The following FAP variants were observed in gnomAD, a reference collection of about 807,000 sequenced individuals.
The protein encoded by FAP is prolyl endopeptidase FAP.
A neutral mutation model predicts 126.5 loss-of-function variants in FAP; 110 were observed. The ratio of observed to expected loss-of-function variants is 0.87; its 90% CI spans 0.74 to 1.02. The LOEUF (loss-of-function observed/expected upper bound fraction) is 1.02. Among genes scored for constraint, FAP ranks in the 50% least tolerant of loss-of-function variants. FAP has a pLI of 0.00. For synonymous variants in FAP, 334 were observed against 297.3 expected, an observed-to-expected ratio of 1.12 and a Z score of -1.27; for missense variants, 919 against 909.2, an observed-to-expected ratio of 1.01 and a Z score of -0.14.
intron 2 of FAP, among the ~76,000 whole-genome samples, chr2:162,233,459 G>A (rs541511946): frequency 1.3e-5 from 2 of 152,048 alleles, no homozygotes; most frequent in South Asian, 4.2e-4. Context: ...GTTTTGTTTT[G>A]CATTTTGCAG....
intron 2 of FAP, among the ~76,000 whole-genome samples, chr2:162,237,473 G>A (rs577831582): frequency 6.6e-6 from 1 of 152,076 alleles, no homozygotes; most frequent in African/African-American, 2.4e-5. Flanking sequence ...TGCAGTGTTC[G>A]GTTTTCTGTT....
chr2:162,206,023 A>G (rs147124948), intron 12 of FAP, among the ~76,000 whole-genome samples: 359 of 152,350 alleles, frequency 2.4e-3, no homozygotes, highest in African/African-American at 8.3e-3. Flanking sequence ...AATAAAAAAA[A>G]CAGGGCAGAG....
intron 2 of FAP, among the ~76,000 whole-genome samples, chr2:162,236,736 T>C (rs899411453): frequency 6.6e-6 from 1 of 152,122 alleles, no homozygotes; most frequent in Non-Finnish European, 1.5e-5. Context: ...GCCTCCTGAG[T>C]AGCAGAGGTT....
In FAP at chr2:162,171,024, G is replaced by A. The variant is rs1175757363; in HGVS notation, c.2238C>T (p.Thr746=). The A allele has an allele frequency of 6.2e-7, 1 of 1,613,290 alleles. No individual in the cohort carries two copies. Among genetic ancestry groups the A allele is most frequent in the South Asian group, 1.1e-5 (1 of 91,042 alleles). ...ACTGCTTTAGGAAGTGGGTCATGTGGGTGTATAAGTGGTTCGTGGACAGGC... is the reference window on the plus strand; with the variant it reads ...ACTGCTTTAGGAAGTGGGTCATGTGAGTGTATAAGTGGTTCGTGGACAGGC... ...LSGLSTNHLY[T]HMTHFLKQCF... The change falls in exon 26 of 26, where the codon ACC becomes ACT. Residue 746 remains threonine, a synonymous_variant. Transcript: ENST00000188790.
Position 162,182,276 on chromosome 2 carries a change from G to A in FAP, c.1869+1138C>T, listed in dbSNP as rs1039934352. Among the ~76,000 whole-genome samples, 3 of 152,116 alleles carry A rather than the reference G, an allele frequency of 2.0e-5. No individual in the cohort carries two copies. The East Asian group carries it at 5.8e-4, about 29-fold the overall frequency. On this transcript the variant is annotated intron_variant, in intron 21 of 25. Coordinates refer to ENST00000188790, the MANE Select transcript of FAP (RefSeq NM_004460.5). ...CAGCAAAAGCAAAGTCCAACTCTAA[G>A]AGAAATGTTAATGATTACATGTACA...
At chr2:162,174,995 C>T (rs1687435922) in intron 21 of FAP, 29 bp from the exon 22 acceptor site, 4 of 1,492,010 alleles carry the variant, frequency 2.7e-6, no homozygotes, top group African/African-American at 2.8e-5. Flanking sequence ...GAGTCAGACT[C>T]AGATTTACTT....
rs762539379 is a variant in FAP at position 162,209,940 on chromosome 2, G to A, written c.1047+12C>T. 18 of 1,610,882 alleles carry A rather than the reference G, an allele frequency of 1.1e-5. No homozygotes were observed. The highest frequency in any genetic ancestry group is 1.4e-5 in the Non-Finnish European group (17 of 1,178,096). ...TTCATTAAAACATAAGAAAAAGATA[G>A]CAAAATCATACTCCACCAGCCCATC... On this transcript the variant is annotated intron_variant, in intron 12 of 25. Coordinates refer to ENST00000188790, the MANE Select transcript of FAP (RefSeq NM_004460.5).
At chr2:162,173,038 G>T in intron 24 of FAP, 111 bp downstream of exon 24, 2 of 1,153,738 alleles carry the variant, frequency 1.7e-6, no homozygotes, top group Non-Finnish European at 2.6e-6. Context: ...AAATGTCCCT[G>T]ACTCTTAGGT....
intron 21 of FAP, chr2:162,175,301 G>T (rs1206092972): frequency 6.4e-6 from 1 of 157,060 alleles, no homozygotes; most frequent in Non-Finnish European, 1.4e-5. Context: ...TTTCCAACTA[G>T]GACCATGCTG....
At chr2:162,203,566 A>G (rs546110297) in intron 12 of FAP, among the ~76,000 whole-genome samples, 1 of 152,334 alleles carries the variant, frequency 6.6e-6, no homozygotes, top group African/African-American at 2.4e-5. Context: ...GATGCCAAGC[A>G]TGCAATATCA....
chr2:162,179,792 ATAT>A (rs1687624273), intron 21 of FAP, among the ~76,000 whole-genome samples: 48 of 96,692 alleles, frequency 5.0e-4, no homozygotes, highest in Admixed American at 8.0e-4. Context: ...CTATCTATCT[ATAT>A]ATATATATAT....
intron 12 of FAP, 78 bp downstream of exon 12, chr2:162,209,874 A>T: frequency 8.0e-7 from 1 of 1,249,180 alleles, no homozygotes. Context: ...CAGTTTGGGT[A>T]CATTGCAAAT....
At chr2:162,202,966 T>A in intron 13 of FAP, 24 bp from the exon 14 acceptor site, 2 of 1,608,106 alleles carry the variant, frequency 1.2e-6, no homozygotes, top group Non-Finnish European at 8.5e-7. Flanking sequence ...AACATTATGT[T>A]GTGTGAAACT....
chr2:162,179,834 A>G (rs1484341989), intron 21 of FAP, among the ~76,000 whole-genome samples: 1 of 135,058 alleles, frequency 7.4e-6, no homozygotes, highest in East Asian at 2.1e-4. Flanking sequence ...TTTGAGATGG[A>G]GTCTCGCTCT....
At chr2:162,216,284 C>T (rs1436756869) in intron 9 of FAP, among the ~76,000 whole-genome samples, 2 of 152,120 alleles carry the variant, frequency 1.3e-5, no homozygotes, top group African/African-American at 2.4e-5. Flanking sequence ...AAATGCAGTT[C>T]TGTGAACCAT....
chr2:162,193,108 A>G (rs902144343), intron 17 of FAP, among the ~76,000 whole-genome samples: 2 of 152,156 alleles, frequency 1.3e-5, no homozygotes, highest in Non-Finnish European at 2.9e-5. Flanking sequence ...TTAATGTGGT[A>G]GAAGTTCCAT....
At chr2:162,198,132 T>C (rs1576157148) in intron 16 of FAP, 1 of 1,238,632 alleles carries the variant, frequency 8.1e-7, no homozygotes, top group Non-Finnish European at 1.0e-6. Context: ...GGAAATGTTT[T>C]GTAGATTTTA....
chr2:162,239,353 C>T (rs906762512), intron 2 of FAP, among the ~76,000 whole-genome samples: 2 of 152,008 alleles, frequency 1.3e-5, no homozygotes, highest in African/African-American at 2.4e-5. Flanking sequence ...TCCTTTTTTA[C>T]TCTCACTCAG....
chr2:162,213,924 T>C lies in FAP; in HGVS notation c.1002+14A>G, dbSNP rs773142640. The C allele has an allele frequency of 1.2e-6, 2 of 1,608,960 alleles. No individual in the cohort carries two copies. The highest frequency in any genetic ancestry group is 3.4e-5 in the Admixed American group (2 of 59,530). ...TCTTCAGAAATACGTATCTGTGATCTTAATATACCCTACCTTTGGACAATC... is the reference window on the plus strand; with the variant it reads ...TCTTCAGAAATACGTATCTGTGATCCTAATATACCCTACCTTTGGACAATC... On this transcript the variant is annotated intron_variant, in intron 11 of 25. Coordinates refer to ENST00000188790, the MANE Select transcript of FAP (RefSeq NM_004460.5).
Sources: allele counts gnomAD v4.1 joint callset (sites outside exome capture counted in the v4.1 genomes callset), GRCh38; gene constraint gnomAD v4.1.1; transcripts MANE v1.5; gene names NCBI Gene and HGNC (gene_info 2026-07-23, HGNC 2026-07-21).